CACNA1A: variants seen among roughly 807,000 people sequenced by gnomAD.
CACNA1A encodes calcium voltage-gated channel subunit alpha1 A.
In CACNA1A, 57 loss-of-function variants were observed where a neutral mutation model predicts 262.4. The observed-to-expected ratio is 0.22, with a 90% confidence interval of 0.18 to 0.27. The LOEUF is 0.27. Among genes scored for constraint, CACNA1A ranks in the 10% least tolerant of loss-of-function variants. The probability of loss-of-function intolerance (pLI) is 1.00; values close to 1 mark genes in which losing one functional copy is unlikely to be tolerated. For missense variants in CACNA1A, 2,526 were observed against 3,562.8 expected (o/e 0.71, Z 7.41); for synonymous variants, 1,431 against 1,419.3 (o/e 1.01, Z -0.18).
At chr19:13,327,366 C>T (rs1036303282) in intron 10 of CACNA1A, among the ~76,000 whole-genome samples, 1 of 151,096 alleles carries the variant, frequency 6.6e-6, no homozygotes, top group Non-Finnish European at 1.5e-5. Flanking sequence ...CTGTAGCAAA[C>T]GTGGCTATGA....
intron 22 of CACNA1A, among the ~76,000 whole-genome samples, chr19:13,281,534 C>A (rs1017957544): frequency 1.3e-5 from 2 of 152,096 alleles, no homozygotes; most frequent in African/African-American, 2.4e-5. Flanking sequence ...AGAGTGGGGG[C>A]TGTCCTGGGC....
At chr19:13,302,113 G>A (rs957689406) in intron 17 of CACNA1A, among the ~76,000 whole-genome samples, 1 of 152,124 alleles carries the variant, frequency 6.6e-6, no homozygotes, top group African/African-American at 2.4e-5. Flanking sequence ...AGACCCAGAC[G>A]GCCTGGGTTC....
intron 30 of CACNA1A, among the ~76,000 whole-genome samples, chr19:13,248,026 T>C: frequency 6.6e-6 from 1 of 152,152 alleles, no homozygotes; most frequent in Non-Finnish European, 1.5e-5. Context: ...GAGCCCCATT[T>C]GTTCACAGCA....
At chr19:13,451,076 G>A (rs2060906161) in intron 3 of CACNA1A, 1 of 152,270 alleles carries the variant, frequency 6.6e-6, no homozygotes, top group Non-Finnish European at 1.5e-5. Flanking sequence ...AACCCACCAA[G>A]GTCCCAAGCC....
chr19:13,411,201 T>C (rs1350906208), intron 3 of CACNA1A, among the ~76,000 whole-genome samples: 1 of 152,216 alleles, frequency 6.6e-6, no homozygotes, highest in Non-Finnish European at 1.5e-5. Context: ...AGGCACTTCA[T>C]AGAAAGCTGA....
chr19:13,268,652 T>C (rs1446297594), intron 24 of CACNA1A, among the ~76,000 whole-genome samples: 1 of 151,980 alleles, frequency 6.6e-6, no homozygotes, highest in Admixed American at 6.6e-5. Context: ...GCCAGGATGG[T>C]CTCCATCTCT....
chr19:13,449,216 C>G (rs753996092), intron 3 of CACNA1A, among the ~76,000 whole-genome samples: 1 of 151,832 alleles, frequency 6.6e-6, no homozygotes, highest in South Asian at 2.1e-4. Context: ...AGTCTTCCTG[C>G]CCTGGCCTCT....
At chr19:13,210,298 T>G (rs1463452424) in intron 44 of CACNA1A, among the ~76,000 whole-genome samples, 1 of 151,844 alleles carries the variant, frequency 6.6e-6, no homozygotes, top group Non-Finnish European at 1.5e-5. Flanking sequence ...GGTGGTGGTG[T>G]CAGGAGAAGA....
At chr19:13,442,362 C>T (rs115763050) in intron 3 of CACNA1A, among the ~76,000 whole-genome samples, 179 of 152,256 alleles carry the variant, frequency 1.2e-3, no homozygotes, top group African/African-American at 4.1e-3. Context: ...CACTGACTCC[C>T]TAGCTCACTG....
chr19:13,342,547 A>C (rs2058692948), intron 6 of CACNA1A, among the ~76,000 whole-genome samples: 1 of 152,232 alleles, frequency 6.6e-6, no homozygotes, highest in Non-Finnish European at 1.5e-5. Flanking sequence ...TAATGCTGCC[A>C]TCAAATATTT....
Position 13,474,688 on chromosome 19 carries a change from A to G in CACNA1A, c.294-19476T>C, listed in dbSNP as rs186743555. Among the ~76,000 whole-genome samples the G allele has an allele frequency of 2.6e-5, 4 of 152,170 alleles. No homozygotes were observed. In the East Asian group the frequency reaches 7.7e-4, roughly 29 times the overall value. On this transcript the variant is annotated intron_variant, in intron 1 of 46. Coordinates refer to ENST00000360228, the MANE Select transcript of CACNA1A (RefSeq NM_001127222.2). ...AAAAATTAGCCGGGAGTGGTGGCAG[A>G]CACCTGTAGTCCCAGCTACTTGGGA...
At chr19:13,309,766 A>G (rs10411727) in intron 12 of CACNA1A, among the ~76,000 whole-genome samples, 5,289 of 152,264 alleles carry the variant, frequency 0.035, 279 homozygotes, top group African/African-American at 0.12. Flanking sequence ...ACACTGTGAT[A>G]TAACTACCAT....
At chr19:13,305,552 T>A (rs1021679896) in intron 15 of CACNA1A, among the ~76,000 whole-genome samples, 1 of 152,204 alleles carries the variant, frequency 6.6e-6, no homozygotes, top group Non-Finnish European at 1.5e-5. Context: ...CTGCTGATAT[T>A]TGGGGCCAGA....
intron 1 of CACNA1A, among the ~76,000 whole-genome samples, chr19:13,466,703 A>ATC (rs1568675102): frequency 8.0e-5 from 12 of 150,716 alleles, no homozygotes; most frequent in Admixed American, 6.6e-4. Context: ...TAATAATAAT[A>ATC]ATCATCATCA....
At chr19:13,215,012 G>GTT (rs1264509488) in intron 38 of CACNA1A, 6 of 34,320 alleles carry the variant, frequency 1.7e-4, no homozygotes, top group Admixed American at 3.0e-4. Context: ...GTGTGTGTGT[G>GTT]TTTTTTTTTT....
At chr19:13,413,135 C>T (rs184024055) in intron 3 of CACNA1A, among the ~76,000 whole-genome samples, 20 of 149,756 alleles carry the variant, frequency 1.3e-4, no homozygotes, top group African/African-American at 4.2e-4. Context: ...GATGGTGTCT[C>T]GCGCTCTGTC....
intron 3 of CACNA1A, among the ~76,000 whole-genome samples, chr19:13,405,378 T>G (rs934208507): frequency 1.3e-5 from 2 of 151,874 alleles, no homozygotes; most frequent in African/African-American, 4.8e-5. Flanking sequence ...ATTTTTATTT[T>G]TATTTTTTGT....
At chr19:13,439,353 T>G (rs957279061) in intron 3 of CACNA1A, among the ~76,000 whole-genome samples, 1 of 149,788 alleles carries the variant, frequency 6.7e-6, no homozygotes, top group Non-Finnish European at 1.5e-5. Context: ...CGTGATTCGT[T>G]GCCCTCAAAT....
intron 21 of CACNA1A, chr19:13,284,483 A>G (rs1388380490): frequency 6.6e-6 from 1 of 152,268 alleles, no homozygotes; most frequent in Non-Finnish European, 1.5e-5. Context: ...TTCAAGAAAT[A>G]TCCCTGGGAG....
Sources: allele counts gnomAD v4.1 joint callset (sites outside exome capture counted in the v4.1 genomes callset), GRCh38; gene constraint gnomAD v4.1.1; transcripts MANE v1.5; gene names NCBI Gene and HGNC (gene_info 2026-07-23, HGNC 2026-07-21).